The following MAP3K5 variants were observed in gnomAD, a reference collection of about 807,000 sequenced individuals.
The protein encoded by MAP3K5 is mitogen-activated protein kinase kinase kinase 5.
MAP3K5 carries 56 observed loss-of-function variants against 158.7 expected under a neutral mutation model. The ratio of observed to expected loss-of-function variants is 0.35; its 90% CI spans 0.28 to 0.44. The LOEUF (loss-of-function observed/expected upper bound fraction) is 0.44, where lower values mean the gene tolerates loss of function less well. Ranked by LOEUF, MAP3K5 falls within the 20% of genes least tolerant of loss-of-function variation. The pLI is 1.00. For missense variants in MAP3K5, 1,294 were observed against 1,674.8 expected, an observed-to-expected ratio of 0.77 and a Z score of 3.97; for synonymous variants, 579 against 601.7, an observed-to-expected ratio of 0.96 and a Z score of 0.55.
Position 136,668,643 on chromosome 6 carries a change from T to C in MAP3K5, c.1366+640A>G, listed in dbSNP as rs531848423. ...TCAAAGCCAAAACCAAGAAAATCAC[T>C]TGAAATTTGTTCACTAAGATGCCCT... On this transcript the variant is annotated intron_variant, in intron 8 of 29. Coordinates refer to ENST00000359015, the MANE Select transcript of MAP3K5 (RefSeq NM_005923.4). Among the ~76,000 whole-genome samples, 60 of 152,322 alleles carry C rather than the reference T, an allele frequency of 3.9e-4. 1 individual carries two copies. In the Middle Eastern group the frequency reaches 0.01, roughly 26 times the overall value.
In MAP3K5 at chr6:136,792,341, C is replaced by A. The variant is rs146117294; in HGVS notation, c.-184G>T. 33,668 of 1,010,004 alleles carry A rather than the reference C, an allele frequency of 0.033. 647 individuals are homozygous for A. Among genetic ancestry groups the A allele is most frequent in the African/African-American group, 0.063 (3,590 of 57,390 alleles). The allele number at this position is 1,010,004 out of a possible 1,614,324, so 62.6% of individuals were successfully genotyped here. ...CCCCCGAGGGCACGCCGCTGCCCGG[C>A]GGCGGCTCGCTCCTCCTCGGCGCCT... On this transcript the variant is annotated 5_prime_UTR_variant, in exon 1 of 30. Coordinates refer to ENST00000359015, the MANE Select transcript of MAP3K5 (RefSeq NM_005923.4). This position sits in a 1 kb window ranked among gnomAD's most constrained non-coding sequence, Gnocchi z 5.7.
intron 1 of MAP3K5, among the ~76,000 whole-genome samples, chr6:136,743,854 G>T (rs1782819733): frequency 6.6e-6 from 1 of 152,100 alleles, no homozygotes; most frequent in Non-Finnish European, 1.5e-5. Context: ...ATTATTTAGG[G>T]CTAAAAAGAA....
chr6:136,779,374 T>C (rs533513111), intron 1 of MAP3K5, among the ~76,000 whole-genome samples: 29 of 144,626 alleles, frequency 2.0e-4, no homozygotes, highest in Non-Finnish European at 3.9e-4. Flanking sequence ...GTCTGGAAGA[T>C]CAAGACTGCA....
intron 18 of MAP3K5, among the ~76,000 whole-genome samples, 182 bp downstream of exon 18, chr6:136,611,100 C>A (rs1190972943): frequency 9.0e-6 from 1 of 111,316 alleles, no homozygotes; most frequent in African/African-American, 3.7e-5. Flanking sequence ...AGGGCAAGAC[C>A]CTGTCTCAAA....
intron 1 of MAP3K5, among the ~76,000 whole-genome samples, chr6:136,730,409 T>G (rs529880838): frequency 6.6e-6 from 1 of 151,178 alleles, no homozygotes; most frequent in South Asian, 2.1e-4. Flanking sequence ...AGCAGAGAGA[T>G]AAAAAACAGA....
chr6:136,659,808 G>A (rs1367482112), intron 8 of MAP3K5, among the ~76,000 whole-genome samples: 1 of 152,188 alleles, frequency 6.6e-6, no homozygotes, highest in Non-Finnish European at 1.5e-5. Context: ...TGTTGGCTGC[G>A]TAACAGTGCG....
In MAP3K5 at chr6:136,698,482, A is replaced by G; in HGVS notation, c.806+7T>C. 1.9e-6 allele frequency: 3 copies of G among 1,611,610 alleles called. No homozygotes were observed. The highest frequency in any genetic ancestry group is 2.2e-5 in the South Asian group (2 of 90,950). ...ATCACCAAATGGCATTATTAATTAA[A>G]CTTTACCTAGAACTTGCTTGTGCCA... is the stretch of plus-strand genomic sequence containing the variant. On this transcript the variant is annotated splice_region_variant and intron_variant, in intron 4 of 29. Transcript: ENST00000359015.
chr6:136,641,794 C>G (rs1777951989), intron 12 of MAP3K5, among the ~76,000 whole-genome samples: 1 of 151,322 alleles, frequency 6.6e-6, no homozygotes, highest in South Asian at 2.1e-4. Context: ...TTCAGACCAG[C>G]CCGGCCAACA....
intron 12 of MAP3K5, 147 bp downstream of exon 12, chr6:136,642,373 G>T: frequency 1.5e-6 from 1 of 680,618 alleles, no homozygotes. Context: ...AGGAGATAGT[G>T]ACACTGAAGA....
At chr6:136,640,909 C>G (rs2114297048) in intron 12 of MAP3K5, among the ~76,000 whole-genome samples, 1 of 152,306 alleles carries the variant, frequency 6.6e-6, no homozygotes, top group South Asian at 2.1e-4. Context: ...TCAAGTTTCT[C>G]AGCATATAAG....
At chr6:136,586,936 T>G (rs1186898706) in intron 23 of MAP3K5, among the ~76,000 whole-genome samples, 1 of 152,248 alleles carries the variant, frequency 6.6e-6, no homozygotes. Flanking sequence ...GAACTCAGAC[T>G]GGCTCTCCAT....
At chr6:136,743,256 C>T (rs1463222003) in intron 1 of MAP3K5, among the ~76,000 whole-genome samples, 1 of 152,168 alleles carries the variant, frequency 6.6e-6, no homozygotes, top group Non-Finnish European at 1.5e-5. Context: ...CGAGACCATC[C>T]TGGCTAACAC....
intron 14 of MAP3K5, chr6:136,637,062 A>G: frequency 1.5e-6 from 2 of 1,291,834 alleles, no homozygotes; most frequent in Non-Finnish European, 2.0e-6. Context: ...TGGCCCATGC[A>G]TTGACACTGT....
chr6:136,662,559 T>TTC (rs1247122694), intron 8 of MAP3K5, among the ~76,000 whole-genome samples: 1 of 151,410 alleles, frequency 6.6e-6, no homozygotes, highest in African/African-American at 2.4e-5. Flanking sequence ...CTCTCTTCCT[T>TTC]TCTCTCTCTC....
At chr6:136,768,510 A>G (rs915130306) in intron 1 of MAP3K5, among the ~76,000 whole-genome samples, 2 of 152,226 alleles carry the variant, frequency 1.3e-5, no homozygotes, top group Non-Finnish European at 2.9e-5. Flanking sequence ...CTTCACATCC[A>G]CTAGGATGGC....
At chr6:136,652,102 A>G (rs756389552) in intron 10 of MAP3K5, among the ~76,000 whole-genome samples, 9 of 152,020 alleles carry the variant, frequency 5.9e-5, no homozygotes, top group Non-Finnish European at 1.2e-4. Context: ...GTGGAGGAAA[A>G]CTCCTTCAGA....
intron 12 of MAP3K5, among the ~76,000 whole-genome samples, chr6:136,639,933 T>C (rs1777843562): frequency 6.6e-6 from 1 of 152,226 alleles, no homozygotes; most frequent in African/African-American, 2.4e-5. Flanking sequence ...TCCTGCCTAC[T>C]ACACTATTCT....
chr6:136,769,062 T>C (rs1473859799), intron 1 of MAP3K5, among the ~76,000 whole-genome samples: 1 of 152,208 alleles, frequency 6.6e-6, no homozygotes, highest in Non-Finnish European at 1.5e-5. Flanking sequence ...TGGATATTCA[T>C]GGTTTATTCA....
intron 7 of MAP3K5, among the ~76,000 whole-genome samples, chr6:136,693,245 T>A (rs1780466307): frequency 6.6e-6 from 1 of 152,244 alleles, no homozygotes; most frequent in Non-Finnish European, 1.5e-5. Context: ...TGTTCCAGGC[T>A]GTCTCTTGTA....
Sources: gnomAD v4.1 joint callset for allele counts (sites outside exome capture counted in the v4.1 genomes callset) on GRCh38, gnomAD v4.1.1 for gene constraint, Gnocchi (gnomAD v3.1) non-coding constraint, MANE v1.5 for transcripts, NCBI Gene and HGNC (gene_info 2026-07-23, HGNC 2026-07-21) for gene names.